Variants in RPS6KC1 observed in about 807,000 individuals in gnomAD.
RPS6KC1 encodes the protein inactive ribosomal protein S6 kinase delta-1.
A neutral mutation model predicts 103.8 loss-of-function variants in RPS6KC1; 54 were observed. That is an observed-to-expected ratio of 0.52 (90% CI 0.42 to 0.65). The LOEUF (loss-of-function observed/expected upper bound fraction) is 0.65. RPS6KC1 is among the 30% of genes least tolerant of loss of function. RPS6KC1 has a pLI of 0.00. For synonymous variants in RPS6KC1, 439 were observed against 438.7 expected (o/e 1.00, Z -0.01); for missense variants, 1,151 against 1,253.8 (o/e 0.92, Z 1.24).
At chr1:213,511,320 G>T in the RPS6KC1 span, among the ~76,000 whole-genome samples, 1 of 152,212 alleles carries the variant, frequency 6.6e-6, no homozygotes, top group Non-Finnish European at 1.5e-5. Flanking sequence ...GGGCAGGGGA[G>T]ATGGTGCCCC....
chr1:213,294,823 C>G, the RPS6KC1 span, among the ~76,000 whole-genome samples: 1 of 152,156 alleles, frequency 6.6e-6, no homozygotes. Context: ...AAATAAGATT[C>G]TTCTTTTTTC....
At chr1:213,832,721 G>T in the RPS6KC1 span, 1 of 152,184 alleles carries the variant, frequency 6.6e-6, no homozygotes, top group African/African-American at 2.4e-5. Context: ...TTAAAAAGCA[G>T]TACTTAGAAA....
chr1:213,445,345 C>T, the RPS6KC1 span, among the ~76,000 whole-genome samples: 1 of 152,096 alleles, frequency 6.6e-6, no homozygotes, highest in African/African-American at 2.4e-5. Flanking sequence ...TGGGTATATA[C>T]CTAGGAGTGG....
chr1:213,404,049 C>T, the RPS6KC1 span, among the ~76,000 whole-genome samples: 13 of 152,238 alleles, frequency 8.5e-5, no homozygotes, highest in South Asian at 2.1e-3. Context: ...AGGCCCTAAG[C>T]GAGGATGTGG....
the RPS6KC1 span, among the ~76,000 whole-genome samples, chr1:213,730,653 T>G: frequency 6.6e-6 from 1 of 152,240 alleles, no homozygotes; most frequent in African/African-American, 2.4e-5. Context: ...TTTAAGTTCC[T>G]TATAGATGCT....
the RPS6KC1 span, among the ~76,000 whole-genome samples, chr1:213,475,091 G>A: frequency 6.6e-5 from 10 of 152,304 alleles, no homozygotes; most frequent in East Asian, 1.5e-3. Context: ...ATTTGTGCTG[G>A]CAAAGTGAGT....
chr1:213,747,498 A>G, the RPS6KC1 span, among the ~76,000 whole-genome samples: 1 of 152,220 alleles, frequency 6.6e-6, no homozygotes, highest in Non-Finnish European at 1.5e-5. Context: ...CAGAAGAAAT[A>G]GCACTGTGGC....
At chr1:213,253,603 G>A (rs1275610329) in intron 12 of RPS6KC1, among the ~76,000 whole-genome samples, 2 of 151,992 alleles carry the variant, frequency 1.3e-5, no homozygotes, top group African/African-American at 4.8e-5. Context: ...GGTTATTTTT[G>A]CGTCATGTCT....
the RPS6KC1 span, among the ~76,000 whole-genome samples, chr1:213,803,960 G>A: frequency 6.7e-6 from 1 of 149,710 alleles, no homozygotes; most frequent in Non-Finnish European, 1.5e-5. Flanking sequence ...GGGGCCTGTC[G>A]GGGGGTGGGG....
chr1:213,762,129 C>G, the RPS6KC1 span, among the ~76,000 whole-genome samples: 1 of 152,082 alleles, frequency 6.6e-6, no homozygotes, highest in South Asian at 2.1e-4. Context: ...AAACTCAGTT[C>G]TCAAAGTCAG....
At chr1:213,261,087 A>G (rs2094783042) in intron 12 of RPS6KC1, among the ~76,000 whole-genome samples, 1 of 152,250 alleles carries the variant, frequency 6.6e-6, no homozygotes, top group South Asian at 2.1e-4. Context: ...CTACAATGTG[A>G]CATTGGACAA....
the RPS6KC1 span, among the ~76,000 whole-genome samples, chr1:213,299,354 C>G: frequency 6.6e-6 from 1 of 152,118 alleles, no homozygotes; most frequent in African/African-American, 2.4e-5. Flanking sequence ...GAGTTCAAGA[C>G]CAGCCTAGCC....
the RPS6KC1 span, among the ~76,000 whole-genome samples, chr1:213,714,565 G>A: frequency 6.6e-6 from 1 of 152,222 alleles, no homozygotes; most frequent in Non-Finnish European, 1.5e-5. Context: ...GGGCTGGCGT[G>A]CAGGGCATCA....
At chr1:213,388,272 G>A in the RPS6KC1 span, among the ~76,000 whole-genome samples, 3 of 152,250 alleles carry the variant, frequency 2.0e-5, no homozygotes, top group Non-Finnish European at 4.4e-5. Context: ...GGAAGTCATT[G>A]AACAGAAGGG....
intron 6 of RPS6KC1, among the ~76,000 whole-genome samples, chr1:213,136,429 G>A (rs1214135506): frequency 2.6e-5 from 4 of 152,042 alleles, no homozygotes; most frequent in Admixed American, 6.5e-5. Context: ...TGTGGAAGGA[G>A]TGGATCAAAA....
At chr1:213,832,079 C>T in the RPS6KC1 span, among the ~76,000 whole-genome samples, 3 of 152,192 alleles carry the variant, frequency 2.0e-5, no homozygotes, top group Non-Finnish European at 2.9e-5. Context: ...GTGGTATCAC[C>T]TCCAGGTCTT....
At chr1:213,382,110 C>T in the RPS6KC1 span, among the ~76,000 whole-genome samples, 3 of 152,148 alleles carry the variant, frequency 2.0e-5, no homozygotes, top group Non-Finnish European at 4.4e-5. Flanking sequence ...TGAGCTAGAA[C>T]AATATCGCCA....
At chr1:213,577,571 C>T in the RPS6KC1 span, among the ~76,000 whole-genome samples, 1 of 152,108 alleles carries the variant, frequency 6.6e-6, no homozygotes, top group Non-Finnish European at 1.5e-5. Context: ...AATGTTTTGA[C>T]CAAAAAGTCC....
intron 8 of RPS6KC1, among the ~76,000 whole-genome samples, chr1:213,195,884 A>G (rs1217290139): frequency 6.6e-6 from 1 of 151,392 alleles, no homozygotes; most frequent in African/African-American, 2.4e-5. Flanking sequence ...ACTTGTTGGT[A>G]ATGGGCACGT....
Sources: gnomAD v4.1 joint callset for allele counts (sites outside exome capture counted in the v4.1 genomes callset) on GRCh38, gnomAD v4.1.1 for gene constraint, MANE v1.5 for transcripts, NCBI Gene and HGNC (gene_info 2026-07-23, HGNC 2026-07-21) for gene names.